Variants in ABCD3 observed in about 807,000 individuals in gnomAD.
The protein encoded by ABCD3 is ATP binding cassette subfamily D member 3.
In ABCD3, 41 loss-of-function variants were observed where a neutral mutation model predicts 105.5. That is an observed-to-expected ratio of 0.39 (90% CI 0.30 to 0.50). The LOEUF (loss-of-function observed/expected upper bound fraction) is 0.50, where lower values mean the gene tolerates loss of function less well. Ranked by LOEUF, ABCD3 falls within the 20% of genes least tolerant of loss-of-function variation. The pLI, the probability that ABCD3 is intolerant of heterozygous loss-of-function variation, is 0.84. For synonymous variants in ABCD3, 258 were observed against 269.0 expected (o/e 0.96, Z 0.40); for missense variants, 622 against 806.3 (o/e 0.77, Z 2.77).
intron 10 of ABCD3, among the ~76,000 whole-genome samples, chr1:94,486,659 AG>A (rs1325467942): frequency 6.6e-6 from 1 of 152,240 alleles, no homozygotes; most frequent in East Asian, 1.9e-4. Flanking sequence ...ATAGATATGA[AG>A]GGGGCTATTG....
chr1:94,455,863 C>A, intron 1 of ABCD3: 1 of 1,235,698 alleles, frequency 8.1e-7, no homozygotes, highest in Non-Finnish European at 1.0e-6. Flanking sequence ...CTGCATGAAT[C>A]TCCATTTATC....
the ABCD3 span, among the ~76,000 whole-genome samples, chr1:94,398,928 C>CA: frequency 6.6e-6 from 1 of 150,854 alleles, no homozygotes; most frequent in Non-Finnish European, 1.5e-5. Flanking sequence ...CTCAAAAAAA[C>CA]AAACAAACAA....
chr1:94,486,328 G>A (rs1309274293), intron 10 of ABCD3, among the ~76,000 whole-genome samples: 1 of 152,176 alleles, frequency 6.6e-6, no homozygotes, highest in Non-Finnish European at 1.5e-5. Flanking sequence ...TTTGGATACC[G>A]AGGGATGACT....
intron 1 of ABCD3, among the ~76,000 whole-genome samples, chr1:94,440,596 C>T (rs931584140): frequency 6.6e-6 from 1 of 152,178 alleles, no homozygotes; most frequent in Non-Finnish European, 1.5e-5. Context: ...CAAATTGGTC[C>T]TTTAAGTTTT....
In ABCD3 at chr1:94,463,541, G is replaced by C. The variant is rs1413184012; in HGVS notation, c.148-1234G>C. On this transcript the variant is annotated intron_variant, in intron 2 of 22. Transcript: ENST00000370214. ...CAGGTATTTGTTTGTCAGGAGCACA[G>C]TAGTTAGCCAGATAAGTGAGCTGTG... Among the ~76,000 whole-genome samples, 4 of 152,194 alleles carry C rather than the reference G, an allele frequency of 2.6e-5. No homozygotes were observed. In the East Asian group the frequency reaches 7.7e-4, roughly 29 times the overall value.
intron 16 of ABCD3, among the ~76,000 whole-genome samples, chr1:94,497,136 C>G (rs1286877579): frequency 6.6e-6 from 1 of 152,096 alleles, no homozygotes; most frequent in African/African-American, 2.4e-5. Flanking sequence ...TCACCCGCTC[C>G]CAAGTTCCCT....
chr1:94,514,950 G>C, intron 21 of ABCD3, 196 bp from the exon 22 acceptor site: 2 of 550,592 alleles, frequency 3.6e-6, no homozygotes, highest in Non-Finnish European at 6.5e-6. Flanking sequence ...GTACCTGGTA[G>C]TTTTTATTAT....
Position 94,492,435 on chromosome 1 carries a change from A to C in ABCD3, c.1386+1188A>C, listed in dbSNP as rs374427380. ...TAAAAATGAAAATTGTTAGTTATGCAAAGTACTTTGAACTTATTCAACAAT... is the reference window on the plus strand; with the variant it reads ...TAAAAATGAAAATTGTTAGTTATGCCAAGTACTTTGAACTTATTCAACAAT... On this transcript the variant is annotated intron_variant, in intron 16 of 22. Transcript: ENST00000370214. 1.3e-4 allele frequency among the ~76,000 whole-genome samples: 20 copies of C among 152,320 alleles called. No homozygotes were observed. In the South Asian group the frequency reaches 1.7e-3, roughly 13 times the overall value.
At chr1:94,476,049 T>G (rs773863142) in intron 7 of ABCD3, among the ~76,000 whole-genome samples, 1 of 152,196 alleles carries the variant, frequency 6.6e-6, no homozygotes, top group Non-Finnish European at 1.5e-5. Flanking sequence ...CGGCCATTGT[T>G]AGAGATTGAC....
At chr1:94,515,288 G>A (rs1369616157) in intron 22 of ABCD3, 86 bp downstream of exon 22, 1 of 1,135,306 alleles carries the variant, frequency 8.8e-7, no homozygotes. Flanking sequence ...TAGATTTTAT[G>A]GTTTGTATTC....
At position 94,495,139 on chromosome 1, in the gene ABCD3, T is replaced by C. The variant is rs181727540; in HGVS notation, c.1387-3463T>C. 3.1e-3 allele frequency among the ~76,000 whole-genome samples: 471 copies of C among 152,340 alleles called. 1 individual carries two copies. The highest frequency in any genetic ancestry group is 0.014 in the South Asian group (70 of 4,830). ...TTACCTTTTCAGTAAGGTATACTTA[T>C]AGTGTTTAAAGAAACTAATTAATCT... On this transcript the variant is annotated intron_variant, in intron 16 of 22. Coordinates refer to ENST00000370214, the MANE Select transcript of ABCD3 (RefSeq NM_002858.4).
chr1:94,510,557 G>A (rs1650609134), intron 21 of ABCD3, among the ~76,000 whole-genome samples: 1 of 152,130 alleles, frequency 6.6e-6, no homozygotes, highest in African/African-American at 2.4e-5. Context: ...TTGACTTTCT[G>A]TCTTGTTGAT....
chr1:94,485,945 A>C (rs550365699), intron 10 of ABCD3, among the ~76,000 whole-genome samples: 12 of 152,244 alleles, frequency 7.9e-5, no homozygotes, highest in African/African-American at 2.9e-4. Flanking sequence ...TAATCCCAGC[A>C]CTTTGGGAGG....
the ABCD3 span, chr1:94,406,603 C>T: frequency 7.1e-6 from 2 of 282,108 alleles, no homozygotes; most frequent in Middle Eastern, 1.2e-3. Context: ...ATGTAATGTG[C>T]TCAGTACACA....
chr1:94,446,271 G>A (rs1044436798), intron 1 of ABCD3, among the ~76,000 whole-genome samples: 8 of 152,224 alleles, frequency 5.3e-5, no homozygotes, highest in Non-Finnish European at 5.9e-5. Flanking sequence ...TGCCACAGCT[G>A]GTAGTGCCGT....
Position 94,517,101 on chromosome 1 carries a change from C to G in ABCD3, c.1952C>G (p.Thr651Arg). ...GGCAACTATGAATTCAAACAGATAA[C>G]AGAAGATACAGTTGAGTTTGGCTCT... ...GRGNYEFKQITEDTVEFGS is the reference protein window; with the variant it reads ...GRGNYEFKQIREDTVEFGS Residue 651 changes from threonine to arginine, a missense_variant, in exon 23 of 23, where the codon ACA (threonine) becomes AGA (arginine). By Grantham distance (71) the Thr-to-Arg change is moderately conservative (BLOSUM62 -1). Transcript: ENST00000370214. 1 of 1,610,460 alleles carries G rather than the reference C, an allele frequency of 6.2e-7. No homozygotes were observed. The highest frequency in any genetic ancestry group is 8.5e-7 in the Non-Finnish European group (1 of 1,177,260).
At chr1:94,500,081 A>G (rs1040807150) in intron 20 of ABCD3, among the ~76,000 whole-genome samples, 38 of 152,154 alleles carry the variant, frequency 2.5e-4, no homozygotes, top group Non-Finnish European at 4.9e-4. Context: ...TATTATATGT[A>G]TGTTTTTGTT....
chr1:94,481,315 A>G (rs1417591604), intron 9 of ABCD3, among the ~76,000 whole-genome samples: 4 of 152,130 alleles, frequency 2.6e-5, no homozygotes, highest in Non-Finnish European at 5.9e-5. Flanking sequence ...TTAATATTCT[A>G]CTCTATAGGC....
In ABCD3 at chr1:94,498,993, G is replaced by A; in HGVS notation, c.1579G>A (p.Asp527Asn). The change falls in exon 19 of 23, where the codon GAT becomes AAT. Residue 527 changes from aspartate (D) to asparagine (N), a missense_variant. By Grantham distance (23) the Asp-to-Asn change is conservative. This residue lies in a region of ABCD3 where 285 missense variants were observed against 352.5 expected (regional missense o/e 0.81). Transcript: ENST00000370214. ...ACTTCGAGATCAAGTGATATATCCA[G>A]ATGGACGAGAAGATCAGAAAAGGAA... ...GTLRDQVIYP[D>N]GREDQKRKGI... 1 of 1,613,972 alleles carries A rather than the reference G, an allele frequency of 6.2e-7. No homozygotes were observed. The highest frequency in any genetic ancestry group is 8.5e-7 in the Non-Finnish European group (1 of 1,179,960).
Sources: allele counts gnomAD v4.1 joint callset (sites outside exome capture counted in the v4.1 genomes callset), GRCh38; gene constraint gnomAD v4.1.1; regional missense constraint gnomAD v4.1.1; transcripts MANE v1.5; gene names NCBI Gene and HGNC (gene_info 2026-07-23, HGNC 2026-07-21).